GMDS: variants seen among roughly 807,000 people sequenced by gnomAD.
GMDS encodes GDP-mannose 4,6 dehydratase.
A neutral mutation model predicts 49.9 loss-of-function variants in GMDS; 20 were observed. The ratio of observed to expected loss-of-function variants is 0.40; its 90% CI spans 0.28 to 0.58. The LOEUF is 0.58. Ranked by LOEUF, GMDS falls within the 20% of genes least tolerant of loss-of-function variation. The probability of loss-of-function intolerance (pLI) is 0.42; values close to 1 mark genes in which losing one functional copy is unlikely to be tolerated. For missense variants in GMDS, 362 were observed against 481.4 expected, an observed-to-expected ratio of 0.75 and a Z score of 2.32; for synonymous variants, 177 against 178.6, an observed-to-expected ratio of 0.99 and a Z score of 0.07.
At chr6:1,919,457 G>A (rs1388602109) in intron 7 of GMDS, among the ~76,000 whole-genome samples, 1 of 152,144 alleles carries the variant, frequency 6.6e-6, no homozygotes, top group East Asian at 1.9e-4. Context: ...TTTCTCAAAG[G>A]ATTTCTCAAT....
At chr6:1,737,974 A>T (rs1581528551) in intron 8 of GMDS, among the ~76,000 whole-genome samples, 4 of 148,100 alleles carry the variant, frequency 2.7e-5, no homozygotes, top group African/African-American at 1.0e-4. Context: ...ATACACACAC[A>T]TACACACACA....
At chr6:1,791,802 A>G (rs1464597956) in intron 7 of GMDS, among the ~76,000 whole-genome samples, 1 of 152,210 alleles carries the variant, frequency 6.6e-6, no homozygotes, top group Non-Finnish European at 1.5e-5. Flanking sequence ...ATACAGCCAA[A>G]TGACACATTT....
chr6:2,007,130 G>T (rs753174224), intron 4 of GMDS, among the ~76,000 whole-genome samples: 6 of 152,170 alleles, frequency 3.9e-5, no homozygotes, highest in Non-Finnish European at 8.8e-5. Context: ...ATTGTACAAA[G>T]ATCTCATCCT....
chr6:1,915,437 AGCAGGGGCAGCCCAGGGCCGGCACGGT>A (rs1761328781), intron 7 of GMDS, among the ~76,000 whole-genome samples: 1 of 152,236 alleles, frequency 6.6e-6, no homozygotes, highest in African/African-American at 2.4e-5. Flanking sequence ...AAGGGCAAGC[AGCAGGGGCAGCCCAGGGCCGGCACGGT>A]GCAGGGCCAG....
intron 1 of GMDS, among the ~76,000 whole-genome samples, chr6:2,223,626 C>T (rs1162935458): frequency 1.3e-5 from 2 of 152,016 alleles, no homozygotes; most frequent in Admixed American, 6.6e-5. Flanking sequence ...CTGGTGAAGA[C>T]ATGAGGAGTG....
At chr6:1,660,312 G>A (rs1764025941) in intron 9 of GMDS, among the ~76,000 whole-genome samples, 1 of 152,032 alleles carries the variant, frequency 6.6e-6, no homozygotes, top group Non-Finnish European at 1.5e-5. Flanking sequence ...TTCAGCTGTA[G>A]GAATTTAAAA....
At chr6:2,064,501 T>C (rs1771409083) in intron 4 of GMDS, among the ~76,000 whole-genome samples, 2 of 152,204 alleles carry the variant, frequency 1.3e-5, no homozygotes, top group African/African-American at 4.8e-5. Context: ...TGGGGCTTGC[T>C]GACAGAGACA....
intron 7 of GMDS, among the ~76,000 whole-genome samples, chr6:1,764,293 C>T (rs1331441389): frequency 1.3e-5 from 2 of 151,964 alleles, no homozygotes; most frequent in South Asian, 2.1e-4. Flanking sequence ...ATGTGAGAGC[C>T]GAGAGGTTCA....
intron 1 of GMDS, among the ~76,000 whole-genome samples, chr6:2,242,839 T>A (rs1017058968): frequency 2.6e-5 from 4 of 152,186 alleles, no homozygotes; most frequent in African/African-American, 9.7e-5. Flanking sequence ...GCAGAGTGAA[T>A]AGCTCAGTAA....
chr6:2,241,547 G>A (rs1781613553), intron 1 of GMDS, among the ~76,000 whole-genome samples: 1 of 152,100 alleles, frequency 6.6e-6, no homozygotes. Flanking sequence ...TTTTGGTCAT[G>A]GAAGCAGATC....
intron 7 of GMDS, among the ~76,000 whole-genome samples, chr6:1,887,911 A>G (rs1308037116): frequency 1.3e-5 from 2 of 152,126 alleles, no homozygotes; most frequent in Non-Finnish European, 2.9e-5. Context: ...TAGATGTTAT[A>G]TAAATAGTTG....
chr6:1,909,278 C>A (rs1760930281), intron 7 of GMDS, among the ~76,000 whole-genome samples: 1 of 152,174 alleles, frequency 6.6e-6, no homozygotes, highest in African/African-American at 2.4e-5. Flanking sequence ...GAAGCCGAGG[C>A]ACTTGAGTAA....
chr6:1,899,779 C>T (rs1760404546), intron 7 of GMDS, among the ~76,000 whole-genome samples: 1 of 152,194 alleles, frequency 6.6e-6, no homozygotes, highest in Admixed American at 6.5e-5. Flanking sequence ...AGTCGCCACT[C>T]TAAGGCCCCG....
At chr6:1,801,267 T>C (rs1390355732) in intron 7 of GMDS, among the ~76,000 whole-genome samples, 2 of 152,198 alleles carry the variant, frequency 1.3e-5, no homozygotes, top group Non-Finnish European at 2.9e-5. Context: ...AGTTTGTTCA[T>C]GAGTTTTCAA....
intron 7 of GMDS, among the ~76,000 whole-genome samples, chr6:1,849,807 C>T: frequency 6.6e-6 from 1 of 152,144 alleles, no homozygotes; most frequent in Non-Finnish European, 1.5e-5. Context: ...TATAAAACAG[C>T]AACACCATCA....
In GMDS at chr6:1,897,946, T is replaced by C. The variant is rs13200110; in HGVS notation, c.771+32157A>G. 5.8e-3 allele frequency among the ~76,000 whole-genome samples: 648 copies of C among 111,722 alleles called. 8 individuals carry two copies. The highest frequency in any genetic ancestry group is 0.018 in the African/African-American group (492 of 27,254). 73.3% of individuals were successfully genotyped at this position (111,722 alleles called of 152,430 possible). On this transcript the variant is annotated intron_variant, in intron 7 of 10. Coordinates refer to ENST00000380815, the MANE Select transcript of GMDS (RefSeq NM_001500.4). ...CCACCCTTGCCATCCTGGACACCTA[T>C]CCTGGCCACCCTTGCCATCCTGGAC...
intron 8 of GMDS, among the ~76,000 whole-genome samples, chr6:1,730,381 A>G (rs1160854616): frequency 2.0e-5 from 3 of 152,208 alleles, no homozygotes; most frequent in Admixed American, 6.5e-5. Context: ...GTCCTAGAAA[A>G]GTCTCCTAAA....
intron 1 of GMDS, chr6:2,176,057 G>A: frequency 7.1e-7 from 1 of 1,399,594 alleles, no homozygotes; most frequent in Admixed American, 2.0e-5. Flanking sequence ...GAAGACAGCA[G>A]ATGTGACTAC....
At chr6:1,950,757 T>C (rs1388082446) in intron 6 of GMDS, among the ~76,000 whole-genome samples, 1 of 152,206 alleles carries the variant, frequency 6.6e-6, no homozygotes, top group Non-Finnish European at 1.5e-5. Context: ...CTGTTACAGG[T>C]GGCATTCACA....
Sources: gnomAD v4.1 joint callset for allele counts (sites outside exome capture counted in the v4.1 genomes callset) on GRCh38, gnomAD v4.1.1 for gene constraint, MANE v1.5 for transcripts, NCBI Gene and HGNC (gene_info 2026-07-23, HGNC 2026-07-21) for gene names.